Variants in KLHL20 observed in about 807,000 individuals in gnomAD.
The protein encoded by KLHL20 is kelch like family member 20.
In KLHL20, 29 loss-of-function variants were observed where a neutral mutation model predicts 69.5. The ratio of observed to expected loss-of-function variants is 0.42; its 90% CI spans 0.31 to 0.57. The LOEUF (loss-of-function observed/expected upper bound fraction) is 0.57, where lower values mean the gene tolerates loss of function less well. KLHL20 is among the 20% of genes least tolerant of loss of function. The probability of loss-of-function intolerance (pLI) is 0.18; values close to 1 mark genes in which losing one functional copy is unlikely to be tolerated. For missense variants in KLHL20, 419 were observed against 776.0 expected (o/e 0.54, Z 5.47); for synonymous variants, 253 against 265.2 (o/e 0.95, Z 0.45).
intron 3 of KLHL20, among the ~76,000 whole-genome samples, chr1:173,751,013 C>T (rs367691389): frequency 6.6e-6 from 1 of 152,274 alleles, no homozygotes; most frequent in Admixed American, 6.5e-5. Context: ...TAATAGACAT[C>T]ACATGTAGTA....
intron 10 of KLHL20, among the ~76,000 whole-genome samples, chr1:173,779,475 C>T (rs1164552325): frequency 1.3e-5 from 2 of 151,734 alleles, no homozygotes; most frequent in African/African-American, 4.8e-5. Flanking sequence ...TTCAGCCTCC[C>T]GAGTAGCTGG....
chr1:173,764,312 G>A (rs889585817), intron 7 of KLHL20, among the ~76,000 whole-genome samples: 4 of 152,092 alleles, frequency 2.6e-5, no homozygotes, highest in Non-Finnish European at 5.9e-5. Context: ...GGAAAACAGT[G>A]CAGAGATTCC....
chr1:173,735,936 C>CTTTTTTTTT (rs769632286), intron 3 of KLHL20, among the ~76,000 whole-genome samples: 8 of 105,996 alleles, frequency 7.5e-5, no homozygotes, highest in Non-Finnish European at 1.4e-4. Flanking sequence ...GCCATTCTAT[C>CTTTTTTTTT]TTTTTTTTTT....
chr1:173,717,535 G>A (rs1200414128), intron 2 of KLHL20, among the ~76,000 whole-genome samples: 1 of 152,170 alleles, frequency 6.6e-6, no homozygotes, highest in African/African-American at 2.4e-5. Context: ...TTATTGGGCT[G>A]TCATTTTTGC....
intron 2 of KLHL20, among the ~76,000 whole-genome samples, chr1:173,720,343 A>G (rs1671659996): frequency 6.6e-6 from 1 of 151,742 alleles, no homozygotes; most frequent in Non-Finnish European, 1.5e-5. Flanking sequence ...AAAAAAAAAG[A>G]TAAGAGAGAG....
At chr1:173,748,504 A>T (rs533295939) in intron 3 of KLHL20, among the ~76,000 whole-genome samples, 1 of 152,304 alleles carries the variant, frequency 6.6e-6, no homozygotes, top group Admixed American at 6.5e-5. Flanking sequence ...TTAATTTCTC[A>T]TTGAAAATAA....
At chr1:173,736,537 C>T (rs1672542771) in intron 3 of KLHL20, among the ~76,000 whole-genome samples, 1 of 151,906 alleles carries the variant, frequency 6.6e-6, no homozygotes, top group Non-Finnish European at 1.5e-5. Flanking sequence ...TGCACTAGTC[C>T]ACATTCCCAC....
At chr1:173,754,312 C>T (rs969663820) in intron 5 of KLHL20, among the ~76,000 whole-genome samples, 2 of 152,100 alleles carry the variant, frequency 1.3e-5, no homozygotes, top group African/African-American at 4.8e-5. Context: ...ACAGGCCGGG[C>T]GCAGTGGCTC....
chr1:173,765,984 A>T (rs1213017845), intron 7 of KLHL20, among the ~76,000 whole-genome samples, 162 bp from the exon 8 acceptor site: 2 of 152,190 alleles, frequency 1.3e-5, no homozygotes, highest in Non-Finnish European at 2.9e-5. Context: ...ATTTCAAAAA[A>T]TAAAAACACA....
intron 10 of KLHL20, among the ~76,000 whole-genome samples, chr1:173,777,754 A>T (rs1403289825): frequency 6.6e-6 from 1 of 152,172 alleles, no homozygotes; most frequent in Admixed American, 6.5e-5. Context: ...CATCCCTGGG[A>T]TAATTTCTAC....
intron 10 of KLHL20, 168 bp from the exon 11 acceptor site, chr1:173,781,956 C>T (rs891201566): frequency 9.4e-6 from 5 of 529,546 alleles, no homozygotes; most frequent in Admixed American, 3.3e-5. Context: ...TTTATAGTTC[C>T]CATAATTTGA....
At chr1:173,729,482 C>T (rs1404809788) in intron 2 of KLHL20, among the ~76,000 whole-genome samples, 1 of 152,208 alleles carries the variant, frequency 6.6e-6, no homozygotes, top group Non-Finnish European at 1.5e-5. Flanking sequence ...CAATAAAATA[C>T]TGGCAAACCG....
intron 2 of KLHL20, among the ~76,000 whole-genome samples, chr1:173,722,833 G>A (rs2102454889): frequency 6.6e-6 from 1 of 152,110 alleles, no homozygotes; most frequent in Non-Finnish European, 1.5e-5. Flanking sequence ...GGGATTACAG[G>A]CATGCGCCAC....
At chr1:173,754,983 A>G (rs1453845801) in intron 5 of KLHL20, among the ~76,000 whole-genome samples, 4 of 152,072 alleles carry the variant, frequency 2.6e-5, no homozygotes, top group Admixed American at 6.5e-5. Context: ...GGTTTGCTCA[A>G]TATTATAGCT....
chr1:173,729,153 C>T (rs1363611847), intron 2 of KLHL20, among the ~76,000 whole-genome samples: 2 of 152,176 alleles, frequency 1.3e-5, no homozygotes, highest in Non-Finnish European at 2.9e-5. Context: ...GACACATACA[C>T]CCTCCCTAGA....
intron 4 of KLHL20, among the ~76,000 whole-genome samples, chr1:173,752,896 CAGTGGTACA>C (rs1335204016): frequency 6.6e-6 from 1 of 151,852 alleles, no homozygotes; most frequent in Non-Finnish European, 1.5e-5. Context: ...TGGCTGGGTG[CAGTGGTACA>C]AGCCCATAAT....
chr1:173,784,056 G>A (rs760042504), intron 11 of KLHL20, among the ~76,000 whole-genome samples: 1 of 152,122 alleles, frequency 6.6e-6, no homozygotes, highest in Non-Finnish European at 1.5e-5. Context: ...TCTAGCCTGA[G>A]TGGAAGAGCA....
intron 11 of KLHL20, among the ~76,000 whole-genome samples, chr1:173,782,644 C>T (rs1397232849): frequency 6.6e-6 from 1 of 151,958 alleles, no homozygotes; most frequent in Non-Finnish European, 1.5e-5. Flanking sequence ...CTAGGAGAAA[C>T]AAATTGCAAT....
intron 7 of KLHL20, among the ~76,000 whole-genome samples, chr1:173,763,019 TC>T (rs1647417974): frequency 1.3e-5 from 2 of 152,142 alleles, no homozygotes. Flanking sequence ...ATAAAAGAAT[TC>T]AGCATAGTTT....
Sources: allele counts gnomAD v4.1 joint callset (sites outside exome capture counted in the v4.1 genomes callset), GRCh38; gene constraint gnomAD v4.1.1; transcripts MANE v1.5; gene names NCBI Gene and HGNC (gene_info 2026-07-23, HGNC 2026-07-21).